Variants in RNGTT observed in about 807,000 individuals in gnomAD.
The protein encoded by RNGTT is mRNA-capping enzyme.
RNGTT carries 33 observed loss-of-function variants against 79.3 expected under a neutral mutation model. That is an observed-to-expected ratio of 0.42 (90% confidence interval 0.32 to 0.56). The LOEUF (loss-of-function observed/expected upper bound fraction) is 0.56, where lower values mean the gene tolerates loss of function less well. Among genes scored for constraint, RNGTT ranks in the 20% least tolerant of loss-of-function variants. The pLI is 0.17. For synonymous variants in RNGTT, 222 were observed against 235.9 expected (o/e 0.94, Z 0.54); for missense variants, 497 against 739.1 (o/e 0.67, Z 3.80).
At chr6:88,761,947 T>C (rs539799966) in intron 13 of RNGTT, among the ~76,000 whole-genome samples, 3 of 150,766 alleles carry the variant, frequency 2.0e-5, no homozygotes, top group Non-Finnish European at 3.0e-5. Flanking sequence ...AACCCCCTAG[T>C]GGTACGGATG....
chr6:88,855,605 T>C (rs1022524304), intron 8 of RNGTT, among the ~76,000 whole-genome samples: 3 of 152,104 alleles, frequency 2.0e-5, no homozygotes, highest in African/African-American at 7.2e-5. Context: ...CCAGCAGGTG[T>C]CTGGGGAGCA....
chr6:88,617,401 G>A (rs1772271325), intron 14 of RNGTT, among the ~76,000 whole-genome samples: 2 of 152,126 alleles, frequency 1.3e-5, no homozygotes. Flanking sequence ...TTTTGCATGT[G>A]GATATTGCTT....
At chr6:88,668,276 G>A (rs1010793661) in intron 14 of RNGTT, among the ~76,000 whole-genome samples, 2 of 152,098 alleles carry the variant, frequency 1.3e-5, no homozygotes, top group African/African-American at 2.4e-5. Flanking sequence ...CCACAGCCAC[G>A]TGAAACCCAC....
chr6:88,895,463 T>G (rs1028181578), intron 6 of RNGTT, among the ~76,000 whole-genome samples: 2 of 152,048 alleles, frequency 1.3e-5, no homozygotes, highest in African/African-American at 2.4e-5. Context: ...GTCTTAGGAA[T>G]GTAAGGGGCC....
chr6:88,733,452 G>A (rs969349452), intron 13 of RNGTT, among the ~76,000 whole-genome samples: 2 of 147,702 alleles, frequency 1.4e-5, no homozygotes, highest in Non-Finnish European at 1.5e-5. Context: ...ACTGTGGGAT[G>A]ATTTTAAAAG....
At chr6:88,741,603 CA>C (rs1420557282) in intron 13 of RNGTT, among the ~76,000 whole-genome samples, 1 of 151,998 alleles carries the variant, frequency 6.6e-6, no homozygotes, top group Non-Finnish European at 1.5e-5. Context: ...AAATTATTTT[CA>C]AAAATTTTTA....
chr6:88,887,422 C>T (rs117517713), intron 8 of RNGTT, among the ~76,000 whole-genome samples: 1 of 152,130 alleles, frequency 6.6e-6, no homozygotes, highest in African/African-American at 2.4e-5. Flanking sequence ...TTCCATGCTA[C>T]TGTACTTAAA....
intron 13 of RNGTT, among the ~76,000 whole-genome samples, chr6:88,720,205 C>T (rs1002142471): frequency 4.6e-5 from 7 of 152,062 alleles, no homozygotes; most frequent in African/African-American, 1.4e-4. Flanking sequence ...TAAACTTTTC[C>T]ACTACCTATT....
chr6:88,823,030 C>T (rs1216339295), intron 11 of RNGTT, among the ~76,000 whole-genome samples: 1 of 152,110 alleles, frequency 6.6e-6, no homozygotes, highest in Non-Finnish European at 1.5e-5. Flanking sequence ...GTTAGGCAAG[C>T]AAAGGTTTCT....
At chr6:88,823,980 T>C (rs1242280289) in intron 11 of RNGTT, among the ~76,000 whole-genome samples, 3 of 152,044 alleles carry the variant, frequency 2.0e-5, no homozygotes, top group African/African-American at 7.2e-5. Context: ...AAGAAAATCA[T>C]AGAAAATTAG....
At chr6:88,627,893 C>T (rs1772694816) in intron 14 of RNGTT, among the ~76,000 whole-genome samples, 1 of 152,174 alleles carries the variant, frequency 6.6e-6, no homozygotes, top group East Asian at 1.9e-4. Context: ...TGCAAAGTCT[C>T]ACTGAGACCT....
At chr6:88,840,569 T>C (rs553222988) in intron 11 of RNGTT, among the ~76,000 whole-genome samples, 10 of 152,228 alleles carry the variant, frequency 6.6e-5, no homozygotes, top group African/African-American at 1.7e-4. Flanking sequence ...ACTAATTTTC[T>C]AGTATTTTTT....
chr6:88,959,843 C>T (rs1300111529), intron 1 of RNGTT, among the ~76,000 whole-genome samples: 1 of 152,204 alleles, frequency 6.6e-6, no homozygotes, highest in Admixed American at 6.5e-5. Context: ...TATGATCAGG[C>T]TATTCTCCAA....
intron 1 of RNGTT, among the ~76,000 whole-genome samples, chr6:88,957,235 C>T (rs1232519892): frequency 1.3e-5 from 2 of 152,072 alleles, no homozygotes; most frequent in Non-Finnish European, 2.9e-5. Context: ...TAATAAAAGG[C>T]ATCTATGACA....
At chr6:88,672,730 A>T (rs924107631) in intron 14 of RNGTT, among the ~76,000 whole-genome samples, 4 of 152,324 alleles carry the variant, frequency 2.6e-5, no homozygotes, top group Middle Eastern at 3.4e-3. Flanking sequence ...AAAAAGTTGA[A>T]ATAACTTCCC....
At chr6:88,814,880 G>A (rs1047859393) in intron 11 of RNGTT, among the ~76,000 whole-genome samples, 1 of 152,156 alleles carries the variant, frequency 6.6e-6, no homozygotes, top group Admixed American at 6.5e-5. Flanking sequence ...TTCAAATAAA[G>A]AGTAATATGA....
intron 1 of RNGTT, among the ~76,000 whole-genome samples, chr6:88,949,080 T>TCCA (rs1785135967): frequency 8.9e-6 from 1 of 112,432 alleles, no homozygotes; most frequent in Non-Finnish European, 1.7e-5. Flanking sequence ...CAAATCCCCC[T>TCCA]CTGTGAGAAA....
At chr6:88,937,241 G>C (rs1784694124) in intron 2 of RNGTT, among the ~76,000 whole-genome samples, 1 of 152,084 alleles carries the variant, frequency 6.6e-6, no homozygotes, top group South Asian at 2.1e-4. Context: ...AGCTACTCAG[G>C]AGGCTGAAGT....
At chr6:88,675,844 AATAG>A (rs1043627014) in intron 14 of RNGTT, among the ~76,000 whole-genome samples, 1 of 152,220 alleles carries the variant, frequency 6.6e-6, no homozygotes, top group African/African-American at 2.4e-5. Context: ...AAAAATACAA[AATAG>A]ATAAATTTGC....
Sources: gnomAD v4.1 joint callset for allele counts (sites outside exome capture counted in the v4.1 genomes callset) on GRCh38, gnomAD v4.1.1 for gene constraint, MANE v1.5 for transcripts, NCBI Gene and HGNC (gene_info 2026-07-23, HGNC 2026-07-21) for gene names.